Variants in FGR observed in about 807,000 individuals in gnomAD.
The protein encoded by FGR is tyrosine-protein kinase Fgr.
FGR carries 26 observed loss-of-function variants against 63.2 expected under a neutral mutation model. The ratio of observed to expected loss-of-function variants is 0.41; its 90% CI spans 0.30 to 0.57. FGR has a LOEUF of 0.57. FGR is among the 20% of genes least tolerant of loss of function. The pLI is 0.27. For synonymous variants in FGR, 286 were observed against 277.7 expected (o/e 1.03, Z -0.30); for missense variants, 511 against 690.8 (o/e 0.74, Z 2.92).
In FGR at chr1:27,623,786, G is replaced by A. The variant is rs750537230; in HGVS notation, c.131C>T (p.Ala44Val). The A allele has an allele frequency of 1.2e-6, 2 of 1,614,248 alleles. No homozygotes were observed. The highest frequency in any genetic ancestry group is 1.7e-5 in the Admixed American group (1 of 60,026). ...GTTGGGGATGTGGGCAAATGAGGAT[G>A]CAGGCCGGGCCTTAGTGGGGTCAGG... Reference protein sequence around the residue: ...YGPDPTKARPASSFAHIPNYS... With the variant: ...YGPDPTKARPVSSFAHIPNYS... Residue 44 changes from alanine (A) to valine (V), a missense_variant, in exon 3 of 13, where the codon GCA (alanine) becomes GTA (valine). Ala to Val is a moderately conservative substitution (Grantham distance 64, BLOSUM62 0). Coordinates refer to ENST00000374005, the MANE Select transcript of FGR (RefSeq NM_005248.3).
At position 27,620,864 on chromosome 1, in the gene FGR, T is replaced by TA. The variant is rs575141015; in HGVS notation, c.428+694dup. 2.9e-3 allele frequency among the ~76,000 whole-genome samples: 388 copies of TA among 132,400 alleles called. 4 individuals carry two copies. Among genetic ancestry groups the TA allele is most frequent in the South Asian group, 0.027 (111 of 4,160 alleles). 86.9% of individuals were successfully genotyped at this position (132,400 alleles called of 152,430 possible). A position where few individuals can be genotyped will look rare whatever the true frequency, so the allele number is the denominator to read the frequency against. On this transcript the variant is annotated intron_variant, in intron 5 of 12. Transcript: ENST00000374005. Reference sequence around the variant, plus strand: ...AATATGGCGAAACACCATCTCTACTTAAAAAAAAAAATATTAGCCAGGCAT... The same window carrying TA: ...AATATGGCGAAACACCATCTCTACTTAAAAAAAAAAAATATTAGCCAGGCAT...
At chr1:27,621,716 G>C (rs558480555) in intron 4 of FGR, 59 bp from the exon 5 acceptor site, 1 of 1,189,630 alleles carries the variant, frequency 8.4e-7, no homozygotes, top group Non-Finnish European at 1.3e-6. Flanking sequence ...GCACCCTGAG[G>C]CCAGGTGGAG....
chr1:27,623,580 G>A, intron 3 of FGR, 111 bp downstream of exon 3: 1 of 1,084,640 alleles, frequency 9.2e-7, no homozygotes, highest in South Asian at 1.3e-5. Context: ...AAGCGGGGTT[G>A]TATCTGCCAC....
intron 4 of FGR, 122 bp from the exon 5 acceptor site, chr1:27,621,779 C>T (rs2089932425): frequency 1.4e-6 from 1 of 708,824 alleles, no homozygotes; most frequent in Non-Finnish European, 2.6e-6. Flanking sequence ...TGGACACCCC[C>T]CACCACTGGG....
chr1:27,614,265 G>GGCCGACC (rs1166562901), intron 11 of FGR, among the ~76,000 whole-genome samples, 165 bp downstream of exon 11: 2 of 152,234 alleles, frequency 1.3e-5, no homozygotes, highest in African/African-American at 4.8e-5. Flanking sequence ...CACATGGCTG[G>GGCCGACC]TAAGTGGCCG....
At chr1:27,622,897 T>C in intron 4 of FGR, 145 bp downstream of exon 4, 1 of 632,642 alleles carries the variant, frequency 1.6e-6, no homozygotes, top group Non-Finnish European at 2.9e-6. Context: ...CAGCACACAG[T>C]TGCAGTCACC....
In FGR at chr1:27,614,836, G is replaced by C; in HGVS notation, c.1095+14C>G. 1 of 1,578,174 alleles carries C rather than the reference G, an allele frequency of 6.3e-7. No individual in the cohort carries two copies. Among genetic ancestry groups the C allele is most frequent in the Non-Finnish European group, 8.6e-7 (1 of 1,159,302 alleles). ...GTGGGAGGTCCGGGAGGTAAAGGCT[G>C]CTGGCCCAGTTACCTGGGCTGCCAT... On this transcript the variant is annotated intron_variant, in intron 10 of 12. Coordinates refer to ENST00000374005, the MANE Select transcript of FGR (RefSeq NM_005248.3).
At chr1:27,634,883 TCGCC>T (rs1379660138) in intron 1 of FGR, among the ~76,000 whole-genome samples, 178 bp downstream of exon 1, 1 of 152,158 alleles carries the variant, frequency 6.6e-6, no homozygotes, top group African/African-American at 2.4e-5. Flanking sequence ...GCTTTTCAGG[TCGCC>T]CGTTTTCCTC....
At chr1:27,623,645 T>G (rs747000588) in intron 3 of FGR, 46 bp downstream of exon 3, 1 of 1,592,842 alleles carries the variant, frequency 6.3e-7, no homozygotes, top group African/African-American at 1.3e-5. Flanking sequence ...TCCCTCAGTT[T>G]CTCCCAGGAT....
chr1:27,634,380 C>A (rs971693983), intron 1 of FGR, among the ~76,000 whole-genome samples: 3 of 152,244 alleles, frequency 2.0e-5, no homozygotes, highest in East Asian at 1.9e-4. Context: ...ACCCACGCCT[C>A]GCGCGCCCGG....
At chr1:27,619,412 A>G (rs1364135109) in intron 5 of FGR, among the ~76,000 whole-genome samples, 1 of 152,094 alleles carries the variant, frequency 6.6e-6, no homozygotes, top group Non-Finnish European at 1.5e-5. Context: ...GCTGGTCTTG[A>G]ACTCCTGACC....
intron 1 of FGR, among the ~76,000 whole-genome samples, chr1:27,631,529 C>T (rs556048117): frequency 1.3e-5 from 2 of 152,344 alleles, no homozygotes; most frequent in South Asian, 2.1e-4. Context: ...TTGGGCAAGT[C>T]AGTTCATCTC....
rs1021308080 is a variant in FGR at position 27,623,240 on chromosome 1, C to G, written c.227-96G>C. On this transcript the variant is annotated intron_variant, in intron 3 of 12. Coordinates refer to ENST00000374005, the MANE Select transcript of FGR (RefSeq NM_005248.3). Reference sequence around the variant, plus strand: ...CCTGTTCCCCAGCCAGGTGCTGCACCTCCCCACTCCTTTAGTGCTCTGGTT... The same window carrying G: ...CCTGTTCCCCAGCCAGGTGCTGCACGTCCCCACTCCTTTAGTGCTCTGGTT... 8 of 840,884 alleles carry G rather than the reference C, an allele frequency of 9.5e-6. No homozygotes were observed. The African/African-American group carries it at 1.3e-4, about 14-fold the overall frequency. 52.1% of individuals were successfully genotyped at this position (840,884 alleles called of 1,614,324 possible).
chr1:27,628,197 C>CA (rs1392231223), intron 1 of FGR, among the ~76,000 whole-genome samples: 1 of 150,530 alleles, frequency 6.6e-6, no homozygotes. Flanking sequence ...AAAAAAAAAC[C>CA]AAAAAAACTC....
intron 1 of FGR, chr1:27,626,418 T>A (rs1218981769): frequency 7.8e-6 from 3 of 385,584 alleles, no homozygotes; most frequent in Admixed American, 4.5e-5. Flanking sequence ...ATTCTCTTCC[T>A]CTTCTCTCTG....
At chr1:27,626,476 T>A in intron 1 of FGR, 1 of 316,832 alleles carries the variant, frequency 3.2e-6, no homozygotes, top group Non-Finnish European at 5.7e-6. Flanking sequence ...CAGAAAGTCT[T>A]CCTGGATCCA....
intron 4 of FGR, 82 bp from the exon 5 acceptor site, chr1:27,621,739 G>A (rs2089931096): frequency 1.0e-6 from 1 of 976,310 alleles, no homozygotes; most frequent in Non-Finnish European, 1.7e-6. Context: ...ACACAGGTCT[G>A]CAGAGATGAA....
At chr1:27,627,402 C>T (rs1018966872) in intron 1 of FGR, among the ~76,000 whole-genome samples, 5 of 151,986 alleles carry the variant, frequency 3.3e-5, no homozygotes, top group Non-Finnish European at 7.4e-5. Context: ...CATATACACA[C>T]ACCTCCAGCC....
chr1:27,613,462 G>T, intron 11 of FGR, 112 bp from the exon 12 acceptor site: 1 of 1,227,060 alleles, frequency 8.1e-7, no homozygotes, highest in South Asian at 1.4e-5. Context: ...CAGCACTTTG[G>T]GAGGCCAAGG....
Sources: gnomAD v4.1 joint callset for allele counts (sites outside exome capture counted in the v4.1 genomes callset) on GRCh38, gnomAD v4.1.1 for gene constraint, MANE v1.5 for transcripts, NCBI Gene and HGNC (gene_info 2026-07-23, HGNC 2026-07-21) for gene names.